DDO: variants seen among roughly 807,000 people sequenced by gnomAD.
DDO encodes D-aspartate oxidase.
Under a neutral mutation model 16.8 loss-of-function variants are expected in DDO, and 16 were observed. The observed-to-expected ratio is 0.95, with a 90% CI of 0.65 to 1.45. DDO has a LOEUF of 1.45. Ranked by LOEUF, DDO falls within the 40% of genes most tolerant of loss-of-function variation. The probability of loss-of-function intolerance (pLI) is 0.00; values close to 1 mark genes in which losing one functional copy is unlikely to be tolerated. For synonymous variants in DDO, 180 were observed against 167.2 expected (o/e 1.08, Z -0.59); for missense variants, 429 against 420.3 (o/e 1.02, Z -0.18).
intron 1 of DDO, 98 bp from the exon 2 acceptor site, chr6:110,413,564 A>G (rs1436142747): frequency 3.2e-6 from 4 of 1,246,126 alleles, no homozygotes; most frequent in Non-Finnish European, 4.6e-6. Context: ...GTCTTCAGCC[A>G]CTCAGAATAA....
intron 2 of DDO, among the ~76,000 whole-genome samples, chr6:110,413,078 G>A (rs1773913003): frequency 1.3e-5 from 2 of 152,136 alleles, no homozygotes; most frequent in African/African-American, 4.8e-5. Flanking sequence ...GGGAGGTTGA[G>A]GCTGCAGTGA....
chr6:110,413,080 C>T (rs1773913102), intron 2 of DDO, among the ~76,000 whole-genome samples: 1 of 152,004 alleles, frequency 6.6e-6, no homozygotes, highest in Non-Finnish European at 1.5e-5. Flanking sequence ...GAGGTTGAGG[C>T]TGCAGTGAGC....
intron 1 of DDO, among the ~76,000 whole-genome samples, chr6:110,413,796 G>T (rs2011082): frequency 0.85 from 129,101 of 152,068 alleles, 55,429 homozygotes; most frequent in East Asian, 1. Context: ...CCCCCTGAAA[G>T]GGGGTCTTGC....
Position 110,392,951 on chromosome 6 carries a change from C to T in DDO, c.850G>A (p.Val284Met), listed in dbSNP as rs145420173. The T allele has an allele frequency of 5.5e-4, 882 of 1,614,110 alleles. 4 individuals carry two copies. The African/African-American group carries it at 1.0e-2, about 18-fold the overall frequency. ...KVGLRPYRPG[V>M]RLQTELLARD... ...GCAAGGAGCTCTGTCTGCAGTCGCA[C>T]GCCTGGCCTGTAGGGCCTCAAGCCC... Residue 284 changes from valine to methionine, a missense_variant, in exon 5 of 5, where the codon GTG becomes ATG. Val to Met is a conservative substitution (Grantham distance 21, BLOSUM62 1). Coordinates refer to ENST00000368924, the MANE Select transcript of DDO (RefSeq NM_001372108.2).
At chr6:110,397,071 A>G (rs1009823614) in intron 4 of DDO, among the ~76,000 whole-genome samples, 3 of 152,152 alleles carry the variant, frequency 2.0e-5, no homozygotes, top group African/African-American at 7.2e-5. Context: ...AAGTTATTCC[A>G]CTTCTCTAAA....
intron 1 of DDO, among the ~76,000 whole-genome samples, chr6:110,414,214 ACT>A (rs1773964893): frequency 6.6e-6 from 1 of 152,074 alleles, no homozygotes; most frequent in Admixed American, 6.5e-5. Flanking sequence ...TCAAAACTCA[ACT>A]CTGTCTACAA....
At chr6:110,403,408 G>A (rs998317661) in intron 4 of DDO, among the ~76,000 whole-genome samples, 5 of 152,110 alleles carry the variant, frequency 3.3e-5, no homozygotes, top group African/African-American at 1.2e-4. Context: ...TGCCACTCAG[G>A]AAAGATGGTG....
In DDO at chr6:110,415,558, CAG is replaced by C. The variant is rs1385650515; in HGVS notation, c.-98_-97del. On this transcript the variant is annotated 5_prime_UTR_variant, in exon 1 of 5. Transcript: ENST00000368924. Reference sequence around the variant, plus strand: ...CTGGCTGGTCTCATGCCCTGAGAGACAGAGAGAAAGCGAAACTGATTCCCATT... The same window carrying C: ...CTGGCTGGTCTCATGCCCTGAGAGACAGAGAAAGCGAAACTGATTCCCATT... 3 of 1,613,730 alleles carry C rather than the reference CAG, an allele frequency of 1.9e-6. No homozygotes were observed. Among genetic ancestry groups the C allele is most frequent in the Admixed American group, 1.7e-5 (1 of 59,948 alleles).
rs752171750 is a variant in DDO, at chr6:110,393,023, C to T, written c.778G>A (p.Ala260Thr). 9 of 1,611,374 alleles carry T rather than the reference C, an allele frequency of 5.6e-6. No individual in the cohort carries two copies. In the South Asian group the frequency reaches 8.8e-5, roughly 16 times the overall value. Residue 260 changes from alanine (A) to threonine (T), a missense_variant, in exon 5 of 5, where the codon GCT becomes ACT. Coordinates refer to ENST00000368924, the MANE Select transcript of DDO (RefSeq NM_001372108.2). ...NSREILSRCC[A>T]LEPSLHGACN... ...GCTCCGTGGAGGGAGGGCTCCAGAG[C>T]ACAGCATCGGGAAAGAATCTCTCTG...
Position 110,392,012 on chromosome 6 carries a change from C to T in DDO, c.*763G>A, listed in dbSNP as rs1773115181. 5.3e-6 allele frequency: 1 copy of T among 187,556 alleles called. No homozygotes were observed. Among genetic ancestry groups the T allele is most frequent in the African/African-American group, 2.4e-5 (1 of 42,054 alleles). The allele number at this position is 187,556 out of a possible 1,614,324, so 11.6% of individuals were successfully genotyped here. Reference sequence around the variant, plus strand: ...CAATCATTTACAGTAATGGAATGTACAACCCCTAGGTGTTTGACCCCAGGC... The same window carrying T: ...CAATCATTTACAGTAATGGAATGTATAACCCCTAGGTGTTTGACCCCAGGC... On this transcript the variant is annotated 3_prime_UTR_variant, in exon 5 of 5. Coordinates refer to ENST00000368924, the MANE Select transcript of DDO (RefSeq NM_001372108.2).
At chr6:110,407,305 T>TC (rs1384673386) in intron 3 of DDO, among the ~76,000 whole-genome samples, 1 of 152,154 alleles carries the variant, frequency 6.6e-6, no homozygotes, top group African/African-American at 2.4e-5. Flanking sequence ...ATCAACTGGC[T>TC]CCAGATTTAG....
intron 1 of DDO, 118 bp downstream of exon 1, chr6:110,415,348 TG>T: frequency 7.6e-7 from 1 of 1,316,056 alleles, no homozygotes. Context: ...GCGAGCAATG[TG>T]GTGTGTCCTG....
intron 2 of DDO, among the ~76,000 whole-genome samples, chr6:110,411,104 G>A (rs1773841059): frequency 6.6e-6 from 1 of 152,084 alleles, no homozygotes; most frequent in African/African-American, 2.4e-5. Context: ...TGGCATCCGG[G>A]CCTTCATCTT....
At chr6:110,411,818 G>A (rs1280541982) in intron 2 of DDO, among the ~76,000 whole-genome samples, 1 of 152,184 alleles carries the variant, frequency 6.6e-6, no homozygotes, top group Non-Finnish European at 1.5e-5. Flanking sequence ...GAAAAATAGA[G>A]TGGAAATGAG....
rs970531007 is a variant in DDO at position 110,392,507 on chromosome 6, GT to G, written c.*267del. On this transcript the variant is annotated 3_prime_UTR_variant, in exon 5 of 5. Coordinates refer to ENST00000368924, the MANE Select transcript of DDO (RefSeq NM_001372108.2). ...TTGCATCATTTCTTTTGTTGTTGGT[GT>G]TTTTTTTAGAGGTGGGAACTGGCAC... 42 of 1,153,256 alleles carry G rather than the reference GT, an allele frequency of 3.6e-5. No homozygotes were observed. Among genetic ancestry groups the G allele is most frequent in the African/African-American group, 2.1e-4 (13 of 62,534 alleles). The allele number at this position is 1,153,256 out of a possible 1,614,324, so 71.4% of individuals were successfully genotyped here. A position where few individuals can be genotyped will look rare whatever the true frequency, so the allele number is the denominator to read the frequency against.
intron 2 of DDO, among the ~76,000 whole-genome samples, chr6:110,411,464 C>A (rs1773855495): frequency 6.6e-6 from 1 of 152,112 alleles, no homozygotes; most frequent in African/African-American, 2.4e-5. Flanking sequence ...TTATTAGTAT[C>A]TTCATAAAGA....
chr6:110,402,137 AG>A (rs1346938313), intron 4 of DDO, among the ~76,000 whole-genome samples: 2 of 152,204 alleles, frequency 1.3e-5, no homozygotes, highest in African/African-American at 4.8e-5. Flanking sequence ...GACAGACTGG[AG>A]ACTAAAGAGA....
intron 2 of DDO, among the ~76,000 whole-genome samples, chr6:110,411,612 C>T (rs1773860215): frequency 6.6e-6 from 1 of 151,886 alleles, no homozygotes; most frequent in Admixed American, 6.6e-5. Flanking sequence ...AAAGATAAAA[C>T]TGAGTAAGTC....
intron 1 of DDO, 114 bp from the exon 2 acceptor site, chr6:110,413,580 A>C (rs1773939738): frequency 9.6e-7 from 1 of 1,038,136 alleles, no homozygotes; most frequent in Admixed American, 2.3e-5. Flanking sequence ...AATAAGACTT[A>C]GCCTATTGGT....
Sources: gnomAD v4.1 joint callset for allele counts (sites outside exome capture counted in the v4.1 genomes callset) on GRCh38, gnomAD v4.1.1 for gene constraint, MANE v1.5 for transcripts, NCBI Gene and HGNC (gene_info 2026-07-23, HGNC 2026-07-21) for gene names.